Variants in KCNH2 observed in about 807,000 individuals in gnomAD.
The protein encoded by KCNH2 is potassium voltage-gated channel subfamily H member 2, also known as voltage-gated inwardly rectifying potassium channel KCNH2.
Under a neutral mutation model 95.9 loss-of-function variants are expected in KCNH2, and 35 were observed. The observed-to-expected ratio is 0.37, with a 90% confidence interval of 0.28 to 0.48. The LOEUF (loss-of-function observed/expected upper bound fraction) is 0.48, where lower values mean the gene tolerates loss of function less well. KCNH2 is among the 20% of genes least tolerant of loss of function. KCNH2 has a pLI of 0.99. For missense variants in KCNH2, 1,274 were observed against 1,702.9 expected (o/e 0.75, Z 4.43); for synonymous variants, 786 against 754.7 (o/e 1.04, Z -0.68).
At chr7:150,976,837 C>A (rs1801992139) in intron 1 of KCNH2, among the ~76,000 whole-genome samples, 1 of 151,626 alleles carries the variant, frequency 6.6e-6, no homozygotes, top group Non-Finnish European at 1.5e-5. Context: ...TTGTCTCCAC[C>A]CCCTCAGGAT....
At chr7:150,972,877 G>A (rs1238125676) in intron 2 of KCNH2, among the ~76,000 whole-genome samples, 1 of 152,214 alleles carries the variant, frequency 6.6e-6, no homozygotes, top group African/African-American at 2.4e-5. Context: ...GGGAGGGAGG[G>A]CCAGCTCCAC....
chr7:150,947,985 G>T, intron 11 of KCNH2, 107 bp from the exon 12 acceptor site: 1 of 1,324,174 alleles, frequency 7.6e-7, no homozygotes, highest in South Asian at 1.5e-5. Context: ...TGGGCAGGAA[G>T]CCCTGGTTTG....
At chr7:150,973,517 T>C (rs1338878499) in intron 2 of KCNH2, among the ~76,000 whole-genome samples, 1 of 152,248 alleles carries the variant, frequency 6.6e-6, no homozygotes, top group Non-Finnish European at 1.5e-5. Flanking sequence ...GGTTTGAGTC[T>C]AGTCTCACAG....
At position 150,952,298 on chromosome 7, in the gene KCNH2, G is replaced by GTCTTTCTCTCTTTCTCTCTTTCTC; in HGVS notation, c.1557+126_1557+127insGAGAAAGAGAGAAAGAGAGAAAGA. 1 of 1,010,668 alleles carries GTCTTTCTCTCTTTCTCTCTTTCTC rather than the reference G, an allele frequency of 9.9e-7. No homozygotes were observed. Among genetic ancestry groups the GTCTTTCTCTCTTTCTCTCTTTCTC allele is most frequent in the South Asian group, 1.4e-5 (1 of 70,370 alleles). 62.6% of individuals were successfully genotyped at this position (1,010,668 alleles called of 1,614,324 possible). A position where few individuals can be genotyped will look rare whatever the true frequency, so the allele number is the denominator to read the frequency against. On this transcript the variant is annotated intron_variant, in intron 6 of 14. Coordinates refer to ENST00000262186, the MANE Select transcript of KCNH2 (RefSeq NM_000238.4). This position sits in a 1 kb window ranked among gnomAD's most constrained non-coding sequence, Gnocchi z 7.3. ...CTTGCCACCATGTCTCTCTCCCACT[G>GTCTTTCTCTCTTTCTCTCTTTCTC]TCTTTCTCTCTTTCTCTCTCTCTCT...
chr7:150,950,047 G>A, intron 9 of KCNH2, 121 bp downstream of exon 9: 1 of 1,608,302 alleles, frequency 6.2e-7, no homozygotes, highest in Non-Finnish European at 8.5e-7. Flanking sequence ...AATTAAAGGA[G>A]CCCAGTGACC....
At position 150,949,013 on chromosome 7, in the gene KCNH2, T is replaced by G. The variant is rs1403242457; in HGVS notation, c.2435A>C (p.Tyr812Ser). 6.2e-7 allele frequency: 1 copy of G among 1,614,184 alleles called. No individual in the cohort carries two copies. Among genetic ancestry groups the G allele is most frequent in the South Asian group, 1.1e-5 (1 of 91,084 alleles). ...CCCGTTCGACTTGCCAGGCCTTGCA[T>G]ACAGGTTCAGAGGCTCCCCAAAGAT... The part of the protein sequence containing the change: ...NDIFGEPLNL[Y>S]ARPGKSNGDV... The change falls in exon 10 of 15, where the codon TAT (tyrosine) becomes TCT (serine). Residue 812 changes from tyrosine (Y) to serine (S), a missense_variant. This residue lies in a region of KCNH2 where 159 missense variants were observed against 282.5 expected (regional missense o/e 0.56). Coordinates refer to ENST00000262186, the MANE Select transcript of KCNH2 (RefSeq NM_000238.4).
intron 2 of KCNH2, among the ~76,000 whole-genome samples, chr7:150,972,547 T>C (rs1000407935): frequency 1.3e-5 from 2 of 152,208 alleles, no homozygotes; most frequent in African/African-American, 4.8e-5. Context: ...CAGGCCAGCC[T>C]GTTGGCCAAC....
chr7:150,955,892 C>G (rs1801360240), intron 5 of KCNH2: 1 of 975,870 alleles, frequency 1.0e-6, no homozygotes, highest in African/African-American at 1.8e-5. Context: ...CCGCCGGTGC[C>G]CAGCCAGCGG....
chr7:150,960,216 AAT>A (rs1250523707), intron 2 of KCNH2, among the ~76,000 whole-genome samples: 1 of 152,144 alleles, frequency 6.6e-6, no homozygotes, highest in Non-Finnish European at 1.5e-5. Context: ...TTTTTTCCTA[AAT>A]TATTTAACAT....
chr7:150,966,381 T>A (rs187266427), intron 2 of KCNH2, among the ~76,000 whole-genome samples: 17 of 36,922 alleles, frequency 4.6e-4, no homozygotes, highest in East Asian at 1.8e-3. Context: ...ATTTGCCCCC[T>A]CCCCCCCCCC....
rs1290617710 is a variant in KCNH2, at chr7:150,952,273, C to A, written c.1557+152G>T. On this transcript the variant is annotated intron_variant, in intron 6 of 14. Transcript: ENST00000262186. This position sits in a 1 kb window ranked among gnomAD's most constrained non-coding sequence, Gnocchi z 7.3. ...GTACCCACCTTGCCTCTGCAGCTGC[C>A]TTGCCACCATGTCTCTCTCCCACTG... 2 of 907,684 alleles carry A rather than the reference C, an allele frequency of 2.2e-6. No individual in the cohort carries two copies. The highest frequency in any genetic ancestry group is 3.4e-6 in the Non-Finnish European group (2 of 580,002). 56.2% of individuals were successfully genotyped at this position (907,684 alleles called of 1,614,324 possible). A position where few individuals can be genotyped will look rare whatever the true frequency, so the allele number is the denominator to read the frequency against.
intron 2 of KCNH2, among the ~76,000 whole-genome samples, chr7:150,971,278 C>G (rs1472367487): frequency 1.3e-5 from 2 of 152,108 alleles, no homozygotes; most frequent in African/African-American, 2.4e-5. Flanking sequence ...GGGGACAGAC[C>G]GAAGCCCACT....
At chr7:150,948,687 TGCCCCA>T in intron 10 of KCNH2, 144 bp from the exon 11 acceptor site, 1 of 1,088,378 alleles carries the variant, frequency 9.2e-7, no homozygotes, top group Non-Finnish European at 1.4e-6. Context: ...AATGTGATTT[TGCCCCA>T]GGCAAAGACT....
intron 2 of KCNH2, among the ~76,000 whole-genome samples, chr7:150,968,304 A>G (rs1486612391): frequency 6.6e-6 from 1 of 152,190 alleles, no homozygotes; most frequent in East Asian, 1.9e-4. Context: ...ATGTCCAAGG[A>G]TATTCACTAC....
In KCNH2 at chr7:150,951,629, G is replaced by A; in HGVS notation, c.1764C>T (p.Asn588=). 6.2e-7 allele frequency: 1 copy of A among 1,614,240 alleles called. No homozygotes were observed. Among genetic ancestry groups the A allele is most frequent in the Non-Finnish European group, 8.5e-7 (1 of 1,180,046 alleles). The stretch of plus-strand genomic sequence containing the variant: ...AGGGTTTGCCTATCTGGTCGCCCAG[G>A]TTGTGCAGCCAGCCGATGCGTGAGT... ...HMDSRIGWLH[N]LGDQIGKPYN... is the part of the protein sequence containing the mutation. The change falls in exon 7 of 15, where the codon AAC becomes AAT. Residue 588 remains asparagine, a synonymous_variant. Coordinates refer to ENST00000262186, the MANE Select transcript of KCNH2 (RefSeq NM_000238.4).
chr7:150,955,909 C>A, intron 5 of KCNH2: 1 of 914,874 alleles, frequency 1.1e-6, no homozygotes, highest in Non-Finnish European at 1.3e-6. Flanking sequence ...GCGGCCCCCT[C>A]CCCCGCAGCC....
At position 150,945,259 on chromosome 7, in the gene KCNH2, C is replaced by T. The variant is rs544786634; in HGVS notation, c.*106G>A. ...GGGGAGGAGCTGTGCTTTCGAGTTCCTCTCCCCTTCCACGGTCAGGGCCTC... is the reference window on the plus strand; with the variant it reads ...GGGGAGGAGCTGTGCTTTCGAGTTCTTCTCCCCTTCCACGGTCAGGGCCTC... On this transcript the variant is annotated 3_prime_UTR_variant, in exon 15 of 15. Coordinates refer to ENST00000262186, the MANE Select transcript of KCNH2 (RefSeq NM_000238.4). This position sits in a 1 kb window ranked among gnomAD's most constrained non-coding sequence, Gnocchi z 5.6. 1.6e-6 allele frequency: 2 copies of T among 1,281,216 alleles called. No individual in the cohort carries two copies. Among genetic ancestry groups the T allele is most frequent in the African/African-American group, 1.5e-5 (1 of 67,038 alleles). 79.4% of individuals were successfully genotyped at this position (1,281,216 alleles called of 1,614,324 possible). A position where few individuals can be genotyped will look rare whatever the true frequency, so the allele number is the denominator to read the frequency against.
At chr7:150,947,975 T>C (rs2116934992) in intron 11 of KCNH2, 97 bp from the exon 12 acceptor site, 1 of 1,377,778 alleles carries the variant, frequency 7.3e-7, no homozygotes, top group Non-Finnish European at 9.6e-7. Flanking sequence ...GAGAGAGGAC[T>C]GGGCAGGAAG....
intron 4 of KCNH2, 136 bp downstream of exon 4, chr7:150,957,923 A>T: frequency 3.1e-6 from 2 of 653,960 alleles, no homozygotes; most frequent in Middle Eastern, 4.3e-4. Flanking sequence ...GAATTAAATA[A>T]GTGCTTAATG....
Sources: gnomAD v4.1 joint callset for allele counts (sites outside exome capture counted in the v4.1 genomes callset) on GRCh38, gnomAD v4.1.1 for gene constraint, gnomAD v4.1.1 regional missense constraint, Gnocchi (gnomAD v3.1) non-coding constraint, MANE v1.5 for transcripts, NCBI Gene and HGNC (gene_info 2026-07-23, HGNC 2026-07-21) for gene names.